The following KCNH7 variants were observed in gnomAD, a reference collection of about 807,000 sequenced individuals.
KCNH7 encodes potassium voltage-gated channel subfamily H member 7.
A neutral mutation model predicts 120.8 loss-of-function variants in KCNH7; 49 were observed. The ratio of observed to expected loss-of-function variants is 0.41; its 90% confidence interval spans 0.32 to 0.51. The LOEUF (loss-of-function observed/expected upper bound fraction) is 0.51. Among genes scored for constraint, KCNH7 ranks in the 20% least tolerant of loss-of-function variants. The pLI is 0.38. For missense variants in KCNH7, 1,097 were observed against 1,446.6 expected (o/e 0.76, Z 3.92); for synonymous variants, 547 against 516.1 (o/e 1.06, Z -0.81).
chr2:162,609,828 G>A (rs939231304), intron 2 of KCNH7, among the ~76,000 whole-genome samples: 1 of 152,104 alleles, frequency 6.6e-6, no homozygotes, highest in Non-Finnish European at 1.5e-5. Flanking sequence ...GCAGGAAAAG[G>A]GTCTAACAGT....
Position 162,558,503 on chromosome 2 carries a change from C to CTTT in KCNH7, c.308-21426_308-21424dup, listed in dbSNP as rs71410015. On this transcript the variant is annotated intron_variant, in intron 2 of 15. Coordinates refer to ENST00000332142, the MANE Select transcript of KCNH7 (RefSeq NM_033272.4). ...TCTTTCTTTTGCATTTTCTCAATGGCTTTTTTTTTTTTTTTTTTTTTTGCC... is the reference window on the plus strand; with the variant it reads ...TCTTTCTTTTGCATTTTCTCAATGGCTTTTTTTTTTTTTTTTTTTTTTTTTGCC... Among the ~76,000 whole-genome samples the CTTT allele has an allele frequency of 2.2e-3, 175 of 80,662 alleles. 9 individuals carry two copies. The highest frequency in any genetic ancestry group is 5.6e-3 in the African/African-American group (115 of 20,588). The allele number at this position is 80,662 out of a possible 152,430, so 52.9% of individuals were successfully genotyped here.
intron 2 of KCNH7, among the ~76,000 whole-genome samples, chr2:162,740,531 G>A (rs1309003470): frequency 1.3e-5 from 2 of 152,186 alleles, no homozygotes; most frequent in Non-Finnish European, 2.9e-5. Flanking sequence ...AGATTCAGGA[G>A]TACATCGAAT....
chr2:162,373,062 G>A (rs1686020586), intron 15 of KCNH7, among the ~76,000 whole-genome samples: 1 of 151,966 alleles, frequency 6.6e-6, no homozygotes, highest in African/African-American at 2.4e-5. Flanking sequence ...CCAGCCTTTG[G>A]CACTGTAGAA....
At chr2:162,470,575 T>TG in intron 6 of KCNH7, among the ~76,000 whole-genome samples, 1 of 148,372 alleles carries the variant, frequency 6.7e-6, no homozygotes, top group South Asian at 2.1e-4. Flanking sequence ...GGGAGGGAGG[T>TG]GGGGGTCAGC....
intron 2 of KCNH7, among the ~76,000 whole-genome samples, chr2:162,756,370 T>G (rs1688790328): frequency 6.6e-6 from 1 of 152,198 alleles, no homozygotes; most frequent in African/African-American, 2.4e-5. Flanking sequence ...CTGCCATATA[T>G]TAGACTCTTC....
intron 2 of KCNH7, among the ~76,000 whole-genome samples, chr2:162,543,078 G>A (rs528877581): frequency 6.6e-5 from 10 of 152,086 alleles, no homozygotes; most frequent in South Asian, 2.1e-4. Context: ...ATACTTGCCC[G>A]TTTCTCTCAT....
At chr2:162,501,416 C>T (rs1690681602) in intron 6 of KCNH7, among the ~76,000 whole-genome samples, 1 of 152,078 alleles carries the variant, frequency 6.6e-6, no homozygotes, top group East Asian at 1.9e-4. Flanking sequence ...GAGGGGGATA[C>T]TCCACAATTT....
intron 2 of KCNH7, among the ~76,000 whole-genome samples, chr2:162,789,222 T>C (rs1047447259): frequency 6.6e-6 from 1 of 151,998 alleles, no homozygotes; most frequent in Admixed American, 6.5e-5. Context: ...TTCAGAATAT[T>C]CTAATACTGT....
chr2:162,427,977 CTT>C (rs1028787120), intron 8 of KCNH7, among the ~76,000 whole-genome samples: 4 of 151,812 alleles, frequency 2.6e-5, no homozygotes, highest in African/African-American at 9.6e-5. Context: ...AACTTTCTCT[CTT>C]GTTTGTTTTC....
intron 9 of KCNH7, among the ~76,000 whole-genome samples, chr2:162,406,914 C>A (rs1172698435): frequency 1.3e-5 from 2 of 151,918 alleles, no homozygotes; most frequent in Non-Finnish European, 2.9e-5. Flanking sequence ...TCCTGTTTGG[C>A]AATTACATGT....
At chr2:162,647,327 A>G (rs1684398814) in intron 2 of KCNH7, among the ~76,000 whole-genome samples, 1 of 152,282 alleles carries the variant, frequency 6.6e-6, no homozygotes, top group African/African-American at 2.4e-5. Flanking sequence ...GTTATACTTA[A>G]TAGCTACAGT....
chr2:162,456,692 C>G (rs976373166), intron 6 of KCNH7, among the ~76,000 whole-genome samples: 3 of 151,918 alleles, frequency 2.0e-5, no homozygotes, highest in African/African-American at 7.2e-5. Flanking sequence ...TGCTCCTTTA[C>G]TGGGTGCATA....
chr2:162,614,810 A>G (rs778277248), intron 2 of KCNH7, among the ~76,000 whole-genome samples: 9 of 151,252 alleles, frequency 6.0e-5, no homozygotes, highest in Non-Finnish European at 1.2e-4. Context: ...TAAGAAGGGA[A>G]GAAAATACTA....
intron 2 of KCNH7, among the ~76,000 whole-genome samples, chr2:162,710,779 A>G (rs1686900285): frequency 6.6e-6 from 1 of 152,182 alleles, no homozygotes; most frequent in Non-Finnish European, 1.5e-5. Flanking sequence ...GTTTCTGAAT[A>G]TAGACTTAGT....
chr2:162,504,324 A>T, intron 6 of KCNH7, 119 bp downstream of exon 6: 1 of 697,244 alleles, frequency 1.4e-6, no homozygotes, highest in Non-Finnish European at 2.5e-6. Flanking sequence ...GATAAATAGG[A>T]GTACAAAGAA....
At chr2:162,455,196 G>A (rs1477260990) in intron 6 of KCNH7, among the ~76,000 whole-genome samples, 1 of 151,432 alleles carries the variant, frequency 6.6e-6, no homozygotes, top group African/African-American at 2.4e-5. Flanking sequence ...CTGAGATGAT[G>A]TGAATTTTGT....
intron 2 of KCNH7, among the ~76,000 whole-genome samples, chr2:162,674,814 A>G (rs1415588681): frequency 6.6e-6 from 1 of 151,630 alleles, no homozygotes; most frequent in East Asian, 1.9e-4. Context: ...AATTCTAGGT[A>G]GATTAAAGAT....
intron 2 of KCNH7, among the ~76,000 whole-genome samples, chr2:162,561,468 A>G (rs1429419600): frequency 6.6e-6 from 1 of 152,200 alleles, no homozygotes; most frequent in Non-Finnish European, 1.5e-5. Context: ...GAATCGCCAC[A>G]CTGTCTTCCA....
chr2:162,771,948 G>C (rs1683070237), intron 2 of KCNH7: 1 of 152,168 alleles, frequency 6.6e-6, no homozygotes, highest in South Asian at 2.1e-4. Flanking sequence ...ACGCATGAGA[G>C]TGAGGTATTT....
Sources: allele counts gnomAD v4.1 joint callset (sites outside exome capture counted in the v4.1 genomes callset), GRCh38; gene constraint gnomAD v4.1.1; transcripts MANE v1.5; gene names NCBI Gene and HGNC (gene_info 2026-07-23, HGNC 2026-07-21).